The following NRCAM variants were observed in gnomAD, a reference collection of about 807,000 sequenced individuals.
The protein encoded by NRCAM is NgCAM-related cell adhesion molecule.
A neutral mutation model predicts 156.5 loss-of-function variants in NRCAM; 83 were observed. The observed-to-expected ratio is 0.53, with a 90% CI of 0.44 to 0.64. The LOEUF (loss-of-function observed/expected upper bound fraction) is 0.64. Ranked by LOEUF, NRCAM falls within the 30% of genes least tolerant of loss-of-function variation. NRCAM has a pLI of 0.00. For missense variants in NRCAM, 1,417 were observed against 1,597.3 expected, an observed-to-expected ratio of 0.89 and a Z score of 1.92; for synonymous variants, 538 against 563.9, an observed-to-expected ratio of 0.95 and a Z score of 0.65.
intron 3 of NRCAM, among the ~76,000 whole-genome samples, chr7:108,283,647 ATAT>A (rs1208333781): frequency 1.3e-5 from 2 of 152,108 alleles, no homozygotes; most frequent in African/African-American, 4.8e-5. Flanking sequence ...ACAGAGAATG[ATAT>A]TATCTACCGT....
At chr7:108,265,807 C>T (rs79862380) in intron 3 of NRCAM, among the ~76,000 whole-genome samples, 3,486 of 152,292 alleles carry the variant, frequency 0.023, 121 homozygotes, top group African/African-American at 0.08. Flanking sequence ...TTAACTGGCA[C>T]ATTCATACCT....
intron 1 of NRCAM, among the ~76,000 whole-genome samples, chr7:108,445,810 G>C (rs1380096703): frequency 6.6e-6 from 1 of 152,114 alleles, no homozygotes; most frequent in African/African-American, 2.4e-5. Flanking sequence ...CCACTGCCCT[G>C]AATCCAACCC....
intron 1 of NRCAM, among the ~76,000 whole-genome samples, chr7:108,449,318 A>T (rs1466773942): frequency 6.6e-6 from 1 of 152,234 alleles, no homozygotes; most frequent in African/African-American, 2.4e-5. Flanking sequence ...AAATTTCAAC[A>T]TGAAGCTTGA....
chr7:108,358,203 T>C (rs1455349759), intron 2 of NRCAM, among the ~76,000 whole-genome samples: 12 of 142,400 alleles, frequency 8.4e-5, no homozygotes, highest in African/African-American at 2.6e-4. Context: ...AGCCCAGGAG[T>C]TCAAGAGCAG....
At chr7:108,273,769 G>A (rs971286493) in intron 3 of NRCAM, among the ~76,000 whole-genome samples, 6 of 152,072 alleles carry the variant, frequency 3.9e-5, no homozygotes, top group Non-Finnish European at 8.8e-5. Context: ...TGTCTATTTT[G>A]GCTGTTGTTG....
chr7:108,248,140 G>A, intron 3 of NRCAM, among the ~76,000 whole-genome samples: 1 of 152,032 alleles, frequency 6.6e-6, no homozygotes, highest in East Asian at 1.9e-4. Context: ...GAAGATGTAA[G>A]GATTGGAAAC....
chr7:108,434,113 A>G (rs1829194473), intron 1 of NRCAM, among the ~76,000 whole-genome samples: 1 of 152,220 alleles, frequency 6.6e-6, no homozygotes, highest in South Asian at 2.1e-4. Flanking sequence ...TATGACAACT[A>G]TTGAACTCAG....
intron 3 of NRCAM, among the ~76,000 whole-genome samples, chr7:108,252,267 G>A (rs1407128533): frequency 2.0e-5 from 3 of 152,198 alleles, no homozygotes; most frequent in Admixed American, 6.5e-5. Context: ...GCAAAGTTGG[G>A]TGGTTTCTTG....
chr7:108,416,994 T>C (rs1290664311), intron 1 of NRCAM, among the ~76,000 whole-genome samples: 2 of 152,226 alleles, frequency 1.3e-5, no homozygotes, highest in Non-Finnish European at 2.9e-5. Flanking sequence ...AGATTCCTAG[T>C]TTGGGAACAT....
intron 3 of NRCAM, among the ~76,000 whole-genome samples, chr7:108,253,278 T>C (rs1019673994): frequency 1.3e-5 from 2 of 152,076 alleles, no homozygotes; most frequent in African/African-American, 4.8e-5. Context: ...TGCAAAACAA[T>C]GTGGTAAGTG....
intron 5 of NRCAM, 141 bp from the exon 6 acceptor site, chr7:108,234,829 T>C (rs1364397734): frequency 3.9e-6 from 3 of 773,268 alleles, no homozygotes; most frequent in Non-Finnish European, 7.0e-6. Flanking sequence ...TAGCAGCATA[T>C]ACTTCAGTAG....
intron 2 of NRCAM, among the ~76,000 whole-genome samples, chr7:108,333,131 T>C (rs10487847): frequency 0.033 from 5,033 of 152,264 alleles, 289 homozygotes; most frequent in African/African-American, 0.11. Context: ...TTTATATCAC[T>C]AGTTGTAAAA....
chr7:108,427,033 G>A (rs538376674), intron 1 of NRCAM, among the ~76,000 whole-genome samples: 3 of 152,220 alleles, frequency 2.0e-5, no homozygotes, highest in Admixed American at 6.5e-5. Flanking sequence ...TTCCAACACC[G>A]AAGCTCTGCT....
intron 18 of NRCAM, 141 bp from the exon 19 acceptor site, chr7:108,191,424 A>C: frequency 1.5e-6 from 1 of 664,120 alleles, no homozygotes; most frequent in Non-Finnish European, 2.5e-6. Context: ...CAGCATTGAT[A>C]AACATGCAGT....
chr7:108,184,546 C>T lies in NRCAM; in HGVS notation c.2104G>A (p.Gly702Arg), dbSNP rs750182672. The part of the protein sequence containing the change: ...GLWHHQTEVS[G>R]TQTTAQLKLS... ...TTCAGCTGGGCTGTGGTCTGTGTTC[C>T]AGAAACTTCAGTTTGGTGGTGCCAC... Residue 702 changes from glycine (G) to arginine (R), a missense_variant, in exon 21 of 33, where the codon GGA becomes AGA. Coordinates refer to ENST00000379028, the MANE Select transcript of NRCAM (RefSeq NM_001037132.4). The T allele has an allele frequency of 1.2e-6, 2 of 1,613,986 alleles. No homozygotes were observed. Among genetic ancestry groups the T allele is most frequent in the Admixed American group, 1.7e-5 (1 of 60,010 alleles).
intron 1 of NRCAM, among the ~76,000 whole-genome samples, chr7:108,438,938 T>A (rs1196473667): frequency 1.3e-5 from 2 of 152,102 alleles, no homozygotes; most frequent in African/African-American, 4.8e-5. Flanking sequence ...AGATTTTACA[T>A]CAAAAATTCA....
At chr7:108,432,710 C>T (rs1322841355) in intron 1 of NRCAM, among the ~76,000 whole-genome samples, 2 of 152,174 alleles carry the variant, frequency 1.3e-5, no homozygotes, top group Admixed American at 6.5e-5. Context: ...CGAGACCAAC[C>T]TGGTCAATAT....
chr7:108,273,100 G>A (rs1363013916), intron 3 of NRCAM, among the ~76,000 whole-genome samples: 1 of 152,150 alleles, frequency 6.6e-6, no homozygotes, highest in Non-Finnish European at 1.5e-5. Flanking sequence ...TGGCTGCATA[G>A]CATTCCATGG....
At chr7:108,386,043 C>T (rs1473609890) in intron 2 of NRCAM, among the ~76,000 whole-genome samples, 1 of 151,940 alleles carries the variant, frequency 6.6e-6, no homozygotes, top group Admixed American at 6.6e-5. Context: ...CCCTCAGTTC[C>T]GCTTGGTTTC....
Sources: allele counts gnomAD v4.1 joint callset (sites outside exome capture counted in the v4.1 genomes callset), GRCh38; gene constraint gnomAD v4.1.1; transcripts MANE v1.5; gene names NCBI Gene and HGNC (gene_info 2026-07-23, HGNC 2026-07-21).